The following TMEM156 variants were observed in gnomAD, a reference collection of about 807,000 sequenced individuals.
TMEM156 encodes transmembrane protein 156.
A neutral mutation model predicts 30.5 loss-of-function variants in TMEM156; 28 were observed. That is an observed-to-expected ratio of 0.92 (90% CI 0.68 to 1.26). TMEM156 has a LOEUF of 1.26. TMEM156 is among the 50% of genes most tolerant of loss of function. The probability of loss-of-function intolerance (pLI) is 0.00; values close to 1 mark genes in which losing one functional copy is unlikely to be tolerated. For missense variants in TMEM156, 351 were observed against 340.6 expected, an observed-to-expected ratio of 1.03 and a Z score of -0.24; for synonymous variants, 137 against 119.9, an observed-to-expected ratio of 1.14 and a Z score of -0.93.
intron 1 of TMEM156, among the ~76,000 whole-genome samples, chr4:39,018,352 GA>G (rs1220776569): frequency 7.2e-5 from 11 of 152,084 alleles, no homozygotes; most frequent in African/African-American, 2.4e-4. Context: ...CAAATTAGTT[GA>G]GTTTTTAAAT....
rs754046962 is a variant in TMEM156 at position 38,993,776 on chromosome 4, C to CA, written c.580dup (p.Cys194LeufsTer44). 1 of 1,613,234 alleles carries CA rather than the reference C, an allele frequency of 6.2e-7. No individual in the cohort carries two copies. The highest frequency in any genetic ancestry group is 8.5e-7 in the Non-Finnish European group (1 of 1,179,208). The stretch of plus-strand genomic sequence containing the variant: ...CTCTAGGTGCAAAGAAATGTGTATA[C>CA]AATCATTCGGGTATTCCATGATTCT... On this transcript the variant is annotated frameshift_variant, in exon 3 of 7. Coordinates refer to ENST00000381938, the MANE Select transcript of TMEM156 (RefSeq NM_024943.3). LOFTEE classifies it high-confidence loss of function.
intron 5 of TMEM156, among the ~76,000 whole-genome samples, chr4:38,982,717 A>G (rs1384562023): frequency 3.9e-5 from 6 of 152,242 alleles, no homozygotes; most frequent in Admixed American, 6.5e-5. Flanking sequence ...CTATCCTATT[A>G]GTTCTGTCCC....
intron 1 of TMEM156, among the ~76,000 whole-genome samples, chr4:39,005,635 G>C (rs1713677976): frequency 6.6e-6 from 1 of 152,152 alleles, no homozygotes; most frequent in South Asian, 2.1e-4. Flanking sequence ...TCCTAATTGT[G>C]GTGGTAGGTA....
chr4:38,983,949 GC>G (rs1274314954), intron 5 of TMEM156, among the ~76,000 whole-genome samples: 1 of 152,120 alleles, frequency 6.6e-6, no homozygotes, highest in Non-Finnish European at 1.5e-5. Flanking sequence ...GATTTAATAA[GC>G]TTTTATAGTG....
chr4:38,974,054 A>AGT lies in TMEM156; in HGVS notation c.824-2919_824-2918dup, dbSNP rs570779732. 7.2e-4 allele frequency among the ~76,000 whole-genome samples: 63 copies of AGT among 87,858 alleles called. 1 individual carries two copies. In the South Asian group the frequency reaches 0.027, roughly 38 times the overall value. 57.6% of individuals were successfully genotyped at this position (87,858 alleles called of 152,430 possible). A position where few individuals can be genotyped will look rare whatever the true frequency, so the allele number is the denominator to read the frequency against. ...GAATAGGCCCCCTTGATCAGGAAGG[A>AGT]GTGCGTGTGTGTGTGTGTGTGTGTG... On this transcript the variant is annotated intron_variant, in intron 5 of 6. Transcript: ENST00000381938.
rs73137760 is a variant in TMEM156, at chr4:38,973,922, A to G, written c.824-2785T>C. ...GAAGTTTTAATGAAAAATGCATTGT[A>G]TTTTGTCAAATGCATTTTTAGTATA... On this transcript the variant is annotated intron_variant, in intron 5 of 6. Coordinates refer to ENST00000381938, the MANE Select transcript of TMEM156 (RefSeq NM_024943.3). 5.5e-3 allele frequency among the ~76,000 whole-genome samples: 843 copies of G among 152,244 alleles called. 6 individuals carry two copies. The highest frequency in any genetic ancestry group is 0.02 in the African/African-American group (811 of 41,554).
At chr4:39,010,033 T>C (rs1417464976) in intron 1 of TMEM156, among the ~76,000 whole-genome samples, 1 of 152,130 alleles carries the variant, frequency 6.6e-6, no homozygotes, top group Non-Finnish European at 1.5e-5. Flanking sequence ...ATCTAATGAC[T>C]TGAGCAAAGT....
intron 1 of TMEM156, among the ~76,000 whole-genome samples, chr4:39,030,377 A>G (rs1174794774): frequency 1.3e-5 from 2 of 152,172 alleles, no homozygotes; most frequent in Non-Finnish European, 2.9e-5. Flanking sequence ...AAGATGAAGA[A>G]GAACTGACAC....
chr4:38,976,604 T>C (rs551750281), intron 5 of TMEM156, among the ~76,000 whole-genome samples: 1 of 152,324 alleles, frequency 6.6e-6, no homozygotes, highest in Admixed American at 6.5e-5. Flanking sequence ...ATAATAAGTG[T>C]GTGCTGTTTT....
intron 1 of TMEM156, among the ~76,000 whole-genome samples, chr4:38,999,118 T>A (rs77606708): frequency 0.097 from 4,645 of 47,660 alleles, 178 homozygotes; most frequent in African/African-American, 0.23. Flanking sequence ...TTATTTTTTT[T>A]TTTTTTTTTT....
intron 1 of TMEM156, among the ~76,000 whole-genome samples, chr4:39,001,906 G>A (rs1026701594): frequency 7.0e-6 from 1 of 143,350 alleles, no homozygotes; most frequent in Non-Finnish European, 1.6e-5. Flanking sequence ...AGATTTAAAC[G>A]TTAGACCTAA....
intron 2 of TMEM156, 81 bp from the exon 3 acceptor site, chr4:38,994,079 T>G: frequency 1.0e-4 from 127 of 1,224,504 alleles, no homozygotes; most frequent in Non-Finnish European, 1.4e-4. Flanking sequence ...ACTAAATCTC[T>G]TCCTTTCTAT....
At chr4:39,021,811 A>G (rs541821733) in intron 1 of TMEM156, among the ~76,000 whole-genome samples, 1 of 152,164 alleles carries the variant, frequency 6.6e-6, no homozygotes, top group Non-Finnish European at 1.5e-5. Flanking sequence ...GTTTTTGTAC[A>G]TGGTGTGAAA....
rs559493583 is a variant in TMEM156 at position 38,980,940 on chromosome 4, C to A, written c.823+5396G>T. 38 of 985,380 alleles carry A rather than the reference C, an allele frequency of 3.9e-5. No homozygotes were observed. In the East Asian group the frequency reaches 3.7e-3, roughly 97 times the overall value. The allele number at this position is 985,380 out of a possible 1,614,324, so 61.0% of individuals were successfully genotyped here. A position where few individuals can be genotyped will look rare whatever the true frequency, so the allele number is the denominator to read the frequency against. ...TCACGTAAAGGCATTCAATGAATGA[C>A]TGGAATAAATCGTCCTATTCCGCCT... On this transcript the variant is annotated intron_variant, in intron 5 of 6. Coordinates refer to ENST00000381938, the MANE Select transcript of TMEM156 (RefSeq NM_024943.3).
intron 1 of TMEM156, among the ~76,000 whole-genome samples, chr4:39,001,444 A>G (rs1713352549): frequency 6.6e-6 from 1 of 151,472 alleles, no homozygotes; most frequent in African/African-American, 2.4e-5. Context: ...TTCCACCTTT[A>G]TGTAGCATCT....
intron 5 of TMEM156, among the ~76,000 whole-genome samples, chr4:38,971,391 A>G (rs930058146): frequency 6.6e-6 from 1 of 152,202 alleles, no homozygotes; most frequent in Non-Finnish European, 1.5e-5. Flanking sequence ...AACAAATTTA[A>G]AGTCCAGTGT....
chr4:38,970,070 C>T (rs575342319), intron 6 of TMEM156, among the ~76,000 whole-genome samples: 28 of 152,104 alleles, frequency 1.8e-4, no homozygotes, highest in South Asian at 1.3e-3. Context: ...TCAGGGTGAC[C>T]CCAGGCTATA....
intron 1 of TMEM156, among the ~76,000 whole-genome samples, chr4:39,027,787 C>T (rs1254028095): frequency 2.2e-5 from 3 of 137,974 alleles, no homozygotes; most frequent in African/African-American, 2.7e-5. Context: ...GAAGAAGTCT[C>T]GCTTTGTCCA....
chr4:38,998,949 C>T (rs73236699), intron 1 of TMEM156, 40 bp from the exon 2 acceptor site: 495,479 of 1,553,556 alleles, frequency 0.32, 81,345 homozygotes, highest in East Asian at 0.45. Flanking sequence ...TACTGTAAAG[C>T]TTTGAGTTTT....
Sources: allele counts gnomAD v4.1 joint callset (sites outside exome capture counted in the v4.1 genomes callset), GRCh38; gene constraint gnomAD v4.1.1; transcripts MANE v1.5; gene names NCBI Gene and HGNC (gene_info 2026-07-23, HGNC 2026-07-21).